Variants in JOSD1 observed in about 807,000 individuals in gnomAD.
JOSD1 encodes the protein josephin-1.
JOSD1 carries 11 observed loss-of-function variants against 24.3 expected under a neutral mutation model. The observed-to-expected ratio is 0.45, with a 90% CI of 0.29 to 0.75. The LOEUF is 0.75. Ranked by LOEUF, JOSD1 falls within the 30% of genes least tolerant of loss-of-function variation. The pLI is 0.11. For synonymous variants in JOSD1, 106 were observed against 93.8 expected, an observed-to-expected ratio of 1.13 and a Z score of -0.75; for missense variants, 184 against 253.5, an observed-to-expected ratio of 0.73 and a Z score of 1.86.
chr22:38,694,131 A>G (rs1211504764), intron 2 of JOSD1, among the ~76,000 whole-genome samples: 1 of 152,240 alleles, frequency 6.6e-6, no homozygotes, highest in Non-Finnish European at 1.5e-5. Flanking sequence ...GGTCATTTGA[A>G]TAAGTGGGGC....
In JOSD1 at chr22:38,689,208, C is replaced by T. The variant is rs1026115548; in HGVS notation, c.315-79G>A. 9 of 1,602,030 alleles carry T rather than the reference C, an allele frequency of 5.6e-6. No individual in the cohort carries two copies. The African/African-American group carries it at 9.4e-5, about 17-fold the overall frequency. ...CTGGCTGTAATACCACAACTGGCTA[C>T]CTCCCCACTCATGCCATGAGCCCAA... On this transcript the variant is annotated intron_variant, in intron 3 of 4. Coordinates refer to ENST00000683374, the MANE Select transcript of JOSD1 (RefSeq NM_001360236.2).
At position 38,687,657 on chromosome 22, in the gene JOSD1, A is replaced by C. The variant is rs1034484837; in HGVS notation, c.*245T>G. The C allele has an allele frequency of 4.3e-6, 2 of 460,382 alleles. No individual in the cohort carries two copies. The highest frequency in any genetic ancestry group is 7.6e-6 in the Non-Finnish European group (2 of 261,444). The allele number at this position is 460,382 out of a possible 1,614,324, so 28.5% of individuals were successfully genotyped here. A position where few individuals can be genotyped will look rare whatever the true frequency, so the allele number is the denominator to read the frequency against. On this transcript the variant is annotated 3_prime_UTR_variant, in exon 5 of 5. Transcript: ENST00000683374. ...GCTCCACTTTCTCCTCTGTCTCTTA[A>C]ATAAAACAAGGGTTTGTGACCACTG... is the stretch of plus-strand genomic sequence containing the variant.
Position 38,687,697 on chromosome 22 carries a change from GA to G in JOSD1, c.*204del. ...TGTGACCACTGGCCTTAAGTGCACAGAACTCCTACCTTCCTTGCCCAGGAAC... is the reference window on the plus strand; with the variant it reads ...TGTGACCACTGGCCTTAAGTGCACAGACTCCTACCTTCCTTGCCCAGGAAC... On this transcript the variant is annotated 3_prime_UTR_variant, in exon 5 of 5. Transcript: ENST00000683374. 1 of 547,738 alleles carries G rather than the reference GA, an allele frequency of 1.8e-6. No individual in the cohort carries two copies. Among genetic ancestry groups the G allele is most frequent in the South Asian group, 2.6e-5 (1 of 38,104 alleles). 33.9% of individuals were successfully genotyped at this position (547,738 alleles called of 1,614,324 possible).
rs1236418182 is a variant in JOSD1 at position 38,689,090 on chromosome 22, G to A, written c.354C>T (p.Phe118=). ...ATAGGCTGGAGGGCAGATTCATGATGAAGCCCATGACGTTAGTGAGGGCAA... is the reference window on the plus strand; with the variant it reads ...ATAGGCTGGAGGGCAGATTCATGATAAAGCCCATGACGTTAGTGAGGGCAA... ...GVIALTNVMG[F]IMNLPSSLCW... Residue 118 remains phenylalanine, a synonymous_variant, in exon 4 of 5, where the codon TTC becomes TTT. Transcript: ENST00000683374. 6.2e-7 allele frequency: 1 copy of A among 1,614,182 alleles called. No homozygotes were observed. The highest frequency in any genetic ancestry group is 1.7e-5 in the Admixed American group (1 of 60,028).
At chr22:38,690,763 G>A (rs2092518277) in intron 2 of JOSD1, among the ~76,000 whole-genome samples, 1 of 152,118 alleles carries the variant, frequency 6.6e-6, no homozygotes, top group Non-Finnish European at 1.5e-5. Flanking sequence ...GCTCATGCTT[G>A]TAATTCCGGC....
At position 38,699,970 on chromosome 22, in the gene JOSD1, C is replaced by CAAA. The variant is rs756537848; in HGVS notation, c.17_18insTTT (p.Trp6delinsCysLeu). On this transcript the variant is annotated protein_altering_variant, in exon 2 of 5. Transcript: ENST00000683374. ...ATTCAGATTTGGCCTTGTCTCCTTT[C>CAAA]CATGGCACACAACTCATGTTTTTTG... The CAAA allele has an allele frequency of 1.9e-6, 3 of 1,608,596 alleles. No homozygotes were observed. In the South Asian group the frequency reaches 3.3e-5, roughly 18 times the overall value.
At chr22:38,694,267 G>A (rs2092535399) in intron 2 of JOSD1, among the ~76,000 whole-genome samples, 2 of 152,304 alleles carry the variant, frequency 1.3e-5, no homozygotes, top group South Asian at 2.1e-4. Context: ...AAACATGGAA[G>A]CTGAGGTGCA....
intron 4 of JOSD1, among the ~76,000 whole-genome samples, chr22:38,688,394 C>A (rs2092507344): frequency 6.6e-6 from 1 of 152,166 alleles, no homozygotes; most frequent in East Asian, 1.9e-4. Flanking sequence ...TCCTGACCAG[C>A]TGGGATTACA....
At chr22:38,699,750 C>A (rs897688761) in intron 2 of JOSD1, 53 bp downstream of exon 2, 1 of 1,562,478 alleles carries the variant, frequency 6.4e-7, no homozygotes, top group Non-Finnish European at 8.8e-7. Flanking sequence ...CTGCCCCACC[C>A]ACAGAAATCC....
rs2092562409 is a variant in JOSD1 at position 38,700,170 on chromosome 22, C to T, written c.-183G>A. 7 of 1,310,754 alleles carry T rather than the reference C, an allele frequency of 5.3e-6. No homozygotes were observed. Among genetic ancestry groups the T allele is most frequent in the Non-Finnish European group, 4.8e-6 (5 of 1,030,938 alleles). 81.2% of individuals were successfully genotyped at this position (1,310,754 alleles called of 1,614,324 possible). On this transcript the variant is annotated 5_prime_UTR_variant, in exon 2 of 5. Transcript: ENST00000683374. The stretch of plus-strand genomic sequence containing the variant: ...AAAAGGAAAAAAATAAAACCCACCT[C>T]TTCTCTCTTCTCAATAGAAAAATAA...
intron 2 of JOSD1, among the ~76,000 whole-genome samples, chr22:38,698,929 G>A (rs998137815): frequency 6.6e-6 from 1 of 152,056 alleles, no homozygotes; most frequent in Non-Finnish European, 1.5e-5. Flanking sequence ...GCTAATTTTT[G>A]TATTTTTAGT....
chr22:38,700,956 G>T (rs2092567748), upstream of JOSD1: 1 of 984,726 alleles, frequency 1.0e-6, no homozygotes, highest in Admixed American at 6.2e-5. Context: ...GTGCGGGCGG[G>T]CGCGCGCACC....
Position 38,689,346 on chromosome 22 carries a change from CATA to C in JOSD1, c.261_263del (p.Ile87del), listed in dbSNP as rs1292891781. On this transcript the variant is annotated inframe_deletion, in exon 3 of 5. Transcript: ENST00000683374. ...CATAGCCTTTGGTCTGAAGTGCTGC[CATA>C]ATGACATTCACATCGTAGTTGCCAT... The C allele has an allele frequency of 4.3e-6, 7 of 1,614,128 alleles. No homozygotes were observed. Among genetic ancestry groups the C allele is most frequent in the Non-Finnish European group, 8.5e-7 (1 of 1,180,054 alleles).
rs1294048544 is a variant in JOSD1, at chr22:38,700,919, C to CCTGGAGTGCGCGCCGCCAA, written c.-770_-752dup. ...GTCCCCTCACCGCAGCCGGCCGCCA[C>CCTGGAGTGCGCGCCGCCAA]CTGGAGTGCGCGCCGCCAACTGGGC... On this transcript the variant is annotated 5_prime_UTR_variant, in exon 1 of 5. Coordinates refer to ENST00000683374, the MANE Select transcript of JOSD1 (RefSeq NM_001360236.2). 13 of 984,452 alleles carry CCTGGAGTGCGCGCCGCCAA rather than the reference C, an allele frequency of 1.3e-5. No homozygotes were observed. The highest frequency in any genetic ancestry group is 4.8e-6 in the Non-Finnish European group (4 of 829,664). The allele number at this position is 984,452 out of a possible 1,614,324, so 61.0% of individuals were successfully genotyped here. A position where few individuals can be genotyped will look rare whatever the true frequency, so the allele number is the denominator to read the frequency against.
In JOSD1 at chr22:38,687,747, C is replaced by T; in HGVS notation, c.*155G>A. 1 of 615,088 alleles carries T rather than the reference C, an allele frequency of 1.6e-6. No individual in the cohort carries two copies. Among genetic ancestry groups the T allele is most frequent in the Non-Finnish European group, 2.9e-6 (1 of 339,442 alleles). 38.1% of individuals were successfully genotyped at this position (615,088 alleles called of 1,614,324 possible). On this transcript the variant is annotated 3_prime_UTR_variant, in exon 5 of 5. Transcript: ENST00000683374. ...ACAAAACACTGAGTAGTTCTTATAA[C>T]AGTCCACACGTCTGTCCTATTGCAC...
chr22:38,688,019 G>C lies in JOSD1; in HGVS notation c.510-18C>G, dbSNP rs778387412. ...GAAACTTCCTATGGAAAAAGAGATAGAGAAAATGAAATGCTGGCAAGTTGC... is the reference window on the plus strand; with the variant it reads ...GAAACTTCCTATGGAAAAAGAGATACAGAAAATGAAATGCTGGCAAGTTGC... On this transcript the variant is annotated intron_variant, in intron 4 of 4. Coordinates refer to ENST00000683374, the MANE Select transcript of JOSD1 (RefSeq NM_001360236.2). The C allele has an allele frequency of 6.3e-7, 1 of 1,586,184 alleles. No individual in the cohort carries two copies. The highest frequency in any genetic ancestry group is 2.2e-5 in the East Asian group (1 of 44,734).
Position 38,700,855 on chromosome 22 carries a change from C to T in JOSD1, c.-687G>A. On this transcript the variant is annotated 5_prime_UTR_variant, in exon 1 of 5. Transcript: ENST00000683374. ...GACGCCCTCCCGCCGCGCCCCCGGC[C>T]GCAGACCCCAGGGCCGCCGGGACTG... 1.0e-6 allele frequency: 1 copy of T among 984,760 alleles called. No homozygotes were observed. Among genetic ancestry groups the T allele is most frequent in the Non-Finnish European group, 1.2e-6 (1 of 829,786 alleles). 61.0% of individuals were successfully genotyped at this position (984,760 alleles called of 1,614,324 possible).
intron 2 of JOSD1, among the ~76,000 whole-genome samples, chr22:38,695,929 G>A (rs1018520681): frequency 5.3e-5 from 8 of 152,094 alleles, no homozygotes; most frequent in Non-Finnish European, 1.2e-4. Context: ...GGTGGCGGGC[G>A]TCTATACTCT....
rs2092564717 is a variant in JOSD1, at chr22:38,700,630, G to A, written c.-631-12C>T. On this transcript the variant is annotated splice_polypyrimidine_tract_variant and intron_variant, in intron 1 of 4. Coordinates refer to ENST00000683374, the MANE Select transcript of JOSD1 (RefSeq NM_001360236.2). Reference sequence around the variant, plus strand: ...CTCTGGCCGCGGCCCTGCGGAGGAGGAGACAACTCCGGTCAGCGGCGAGCG... The same window carrying A: ...CTCTGGCCGCGGCCCTGCGGAGGAGAAGACAACTCCGGTCAGCGGCGAGCG... 4.1e-6 allele frequency: 4 copies of A among 984,406 alleles called. No individual in the cohort carries two copies. The highest frequency in any genetic ancestry group is 1.7e-5 in the African/African-American group (1 of 57,176). The allele number at this position is 984,406 out of a possible 1,614,324, so 61.0% of individuals were successfully genotyped here.
Sources: allele counts gnomAD v4.1 joint callset (sites outside exome capture counted in the v4.1 genomes callset), GRCh38; gene constraint gnomAD v4.1.1; transcripts MANE v1.5; gene names NCBI Gene and HGNC (gene_info 2026-07-23, HGNC 2026-07-21).